Variants in RASGRF1 observed in about 807,000 individuals in gnomAD.
The protein encoded by RASGRF1 is Ras protein specific guanine nucleotide releasing factor 1.
RASGRF1 carries 40 observed loss-of-function variants against 138.7 expected under a neutral mutation model. The observed-to-expected ratio is 0.29, with a 90% CI of 0.22 to 0.38. The LOEUF (loss-of-function observed/expected upper bound fraction) is 0.38. RASGRF1 is among the 10% of genes least tolerant of loss of function. RASGRF1 has a pLI of 1.00. For missense variants in RASGRF1, 1,108 were observed against 1,650.4 expected, an observed-to-expected ratio of 0.67 and a Z score of 5.69; for synonymous variants, 614 against 663.2, an observed-to-expected ratio of 0.93 and a Z score of 1.14.
chr15:79,047,308 C>T (rs1452439520), intron 4 of RASGRF1, among the ~76,000 whole-genome samples: 2 of 152,176 alleles, frequency 1.3e-5, no homozygotes, highest in African/African-American at 2.4e-5. Flanking sequence ...AATGCAGATT[C>T]TCAAGCCCCA....
At chr15:79,086,040 G>A (rs766133280) in intron 1 of RASGRF1, among the ~76,000 whole-genome samples, 2 of 152,142 alleles carry the variant, frequency 1.3e-5, no homozygotes, top group Non-Finnish European at 2.9e-5. Context: ...GAACATTTGG[G>A]GGATGGGGTG....
chr15:79,014,398 A>G (rs1191940511), intron 13 of RASGRF1, among the ~76,000 whole-genome samples: 1 of 152,278 alleles, frequency 6.6e-6, no homozygotes, highest in Non-Finnish European at 1.5e-5. Flanking sequence ...ATGATGGAAT[A>G]CTACTTGGCC....
At chr15:78,994,430 C>T (rs547653214) in intron 20 of RASGRF1, among the ~76,000 whole-genome samples, 46 of 152,352 alleles carry the variant, frequency 3.0e-4, no homozygotes, top group Non-Finnish European at 5.0e-4. Context: ...CAAGTCCTCA[C>T]GCTGGCTACT....
chr15:79,016,267 G>T (rs563368569), intron 12 of RASGRF1, among the ~76,000 whole-genome samples: 97 of 152,236 alleles, frequency 6.4e-4, no homozygotes, highest in Admixed American at 2.3e-3. Flanking sequence ...AGTGGCAGCT[G>T]AGAGCTGGCA....
intron 13 of RASGRF1, among the ~76,000 whole-genome samples, chr15:79,014,248 T>A (rs1163348556): frequency 1.3e-5 from 2 of 152,214 alleles, no homozygotes; most frequent in Non-Finnish European, 2.9e-5. Flanking sequence ...CTACTGGGTA[T>A]CTACTCAGAG....
At chr15:79,086,578 C>A (rs543524301) in intron 1 of RASGRF1, among the ~76,000 whole-genome samples, 17 of 47,540 alleles carry the variant, frequency 3.6e-4, no homozygotes, top group East Asian at 1.5e-3. Flanking sequence ...TTCTAAGACC[C>A]CCCCCCCCCA....
rs2057154561 is a variant in RASGRF1 at position 79,032,431 on chromosome 15, C to T, written c.959-115G>A. The T allele has an allele frequency of 1.0e-6, 1 of 982,786 alleles. No homozygotes were observed. Among genetic ancestry groups the T allele is most frequent in the Non-Finnish European group, 1.5e-6 (1 of 657,436 alleles). 60.9% of individuals were successfully genotyped at this position (982,786 alleles called of 1,614,324 possible). Reference sequence around the variant, plus strand: ...GAGGCCAGGGGCCAGGTTCAAGTTCCCCACCCCAGAGACATCTCTGCTCTT... The same window carrying T: ...GAGGCCAGGGGCCAGGTTCAAGTTCTCCACCCCAGAGACATCTCTGCTCTT... On this transcript the variant is annotated intron_variant, in intron 6 of 26. Coordinates refer to ENST00000558480, the MANE Select transcript of RASGRF1 (RefSeq NM_001145648.3). The surrounding 1 kb of genome is among the most constrained non-coding windows in gnomAD (Gnocchi z 4.5).
chr15:78,989,343 G>C (rs553788748), intron 22 of RASGRF1, among the ~76,000 whole-genome samples: 1 of 152,274 alleles, frequency 6.6e-6, no homozygotes, highest in Non-Finnish European at 1.5e-5. Context: ...AGGAAAGCTG[G>C]GGCTGGGAGG....
chr15:79,040,419 T>C (rs2057282011), intron 5 of RASGRF1, among the ~76,000 whole-genome samples: 1 of 152,234 alleles, frequency 6.6e-6, no homozygotes, highest in African/African-American at 2.4e-5. Context: ...CTCTTAAAAA[T>C]TGAATCTAAT....
intron 1 of RASGRF1, 199 bp from the exon 2 acceptor site, chr15:79,064,725 G>A (rs2057653892): frequency 3.4e-6 from 2 of 588,134 alleles, no homozygotes; most frequent in Admixed American, 3.0e-5. Context: ...TCGTGTAACA[G>A]AGCCTATGCT....
chr15:79,065,889 C>T (rs1420866321), intron 1 of RASGRF1, among the ~76,000 whole-genome samples: 2 of 146,662 alleles, frequency 1.4e-5, no homozygotes, highest in African/African-American at 5.1e-5. Context: ...GTCTAGGTGG[C>T]AGCCGGGTGT....
At chr15:79,029,506 A>G (rs1181000245) in intron 8 of RASGRF1, among the ~76,000 whole-genome samples, 1 of 152,042 alleles carries the variant, frequency 6.6e-6, no homozygotes. Flanking sequence ...CCATATGCGC[A>G]CACAGCTGGG....
intron 22 of RASGRF1, among the ~76,000 whole-genome samples, chr15:78,989,323 G>T (rs1408314984): frequency 6.6e-6 from 1 of 152,144 alleles, no homozygotes; most frequent in Non-Finnish European, 1.5e-5. Flanking sequence ...CATCTCAACA[G>T]TTCTTCCCCA....
At chr15:79,087,028 C>T (rs2057989988) in intron 1 of RASGRF1, among the ~76,000 whole-genome samples, 1 of 152,212 alleles carries the variant, frequency 6.6e-6, no homozygotes, top group African/African-American at 2.4e-5. Flanking sequence ...CTGTGCCAGT[C>T]TGACTTCATG....
chr15:79,028,919 C>G (rs1016621848), intron 8 of RASGRF1, among the ~76,000 whole-genome samples: 4 of 152,232 alleles, frequency 2.6e-5, no homozygotes, highest in South Asian at 2.1e-4. Context: ...ATTGACCAGA[C>G]TCCTCAATCC....
intron 13 of RASGRF1, among the ~76,000 whole-genome samples, chr15:79,015,058 C>T (rs553831592): frequency 2.4e-4 from 37 of 152,102 alleles, no homozygotes; most frequent in African/African-American, 8.4e-4. Context: ...AAAGAACTTA[C>T]TCATGTAACC....
chr15:79,038,940 C>A (rs534834851), intron 5 of RASGRF1, among the ~76,000 whole-genome samples: 1 of 152,218 alleles, frequency 6.6e-6, no homozygotes, highest in African/African-American at 2.4e-5. Flanking sequence ...GTTTGGTTAG[C>A]CAGTTGTCAA....
At chr15:78,980,442 C>G in intron 24 of RASGRF1, 178 bp downstream of exon 24, 1 of 471,482 alleles carries the variant, frequency 2.1e-6, no homozygotes, top group African/African-American at 1.9e-5. Context: ...TGGAGTTTCT[C>G]TGGCAGACCA....
At chr15:78,991,202 T>G (rs73465325) in intron 21 of RASGRF1, among the ~76,000 whole-genome samples, 2,429 of 152,310 alleles carry the variant, frequency 0.016, 59 homozygotes, top group African/African-American at 0.056. Flanking sequence ...TAGCATCAGA[T>G]GAAGGAAGAG....
Sources: allele counts gnomAD v4.1 joint callset (sites outside exome capture counted in the v4.1 genomes callset), GRCh38; gene constraint gnomAD v4.1.1; non-coding constraint Gnocchi (gnomAD v3.1); transcripts MANE v1.5; gene names NCBI Gene and HGNC (gene_info 2026-07-23, HGNC 2026-07-21).